The following GGA2 variants were observed in gnomAD, a reference collection of about 807,000 sequenced individuals.
The protein encoded by GGA2 is ADP-ribosylation factor-binding protein GGA2.
GGA2 carries 48 observed loss-of-function variants against 79.5 expected under a neutral mutation model. That is an observed-to-expected ratio of 0.60 (90% CI 0.48 to 0.77). The LOEUF is 0.77. GGA2 is among the 30% of genes least tolerant of loss of function. GGA2 has a pLI of 0.00. For missense variants in GGA2, 770 were observed against 774.0 expected (o/e 0.99, Z 0.06); for synonymous variants, 317 against 302.0 (o/e 1.05, Z -0.51).
At chr16:23,475,712 C>T (rs866736990) in intron 13 of GGA2, among the ~76,000 whole-genome samples, 8 of 149,752 alleles carry the variant, frequency 5.3e-5, no homozygotes, top group African/African-American at 1.7e-4. Flanking sequence ...AAGACCAGCC[C>T]GGCCGACATG....
intron 1 of GGA2, among the ~76,000 whole-genome samples, chr16:23,509,290 G>A (rs908639506): frequency 2.0e-5 from 3 of 152,138 alleles, no homozygotes; most frequent in East Asian, 1.9e-4. Flanking sequence ...GCACTCCAGC[G>A]GACTGACCTA....
At chr16:23,473,900 A>G (rs1293327520) in intron 14 of GGA2, among the ~76,000 whole-genome samples, 5 of 152,032 alleles carry the variant, frequency 3.3e-5, no homozygotes, top group Admixed American at 6.6e-5. Flanking sequence ...TTGTTTATCA[A>G]CTCTGTTTAT....
At position 23,466,137 on chromosome 16, in the gene GGA2, A is replaced by AT. The variant is rs1964434460; in HGVS notation, c.*1452dup. 1.3e-5 allele frequency: 2 copies of AT among 152,284 alleles called. No individual in the cohort carries two copies. The highest frequency in any genetic ancestry group is 1.3e-4 in the Admixed American group (2 of 15,280). 9.4% of individuals were successfully genotyped at this position (152,284 alleles called of 1,614,324 possible). ...ATTAGTATTGGCAGATTTCCACTAT[A>AT]TGTAGAAGTCAAAAGATCAGACTGT... On this transcript the variant is annotated 3_prime_UTR_variant, in exon 17 of 17. Transcript: ENST00000309859.
At position 23,465,539 on chromosome 16, in the gene GGA2, TTATGTA is replaced by T. The variant is rs1964425062; in HGVS notation, c.*2045_*2050del. Reference sequence around the variant, plus strand: ...TAACTATAGGGGAGAAAGCCTGTCTTTATGTATAAGTCTCATTCACCCATTTTGACC... The same window carrying T: ...TAACTATAGGGGAGAAAGCCTGTCTTTAAGTCTCATTCACCCATTTTGACC... On this transcript the variant is annotated 3_prime_UTR_variant, in exon 17 of 17. Coordinates refer to ENST00000309859, the MANE Select transcript of GGA2 (RefSeq NM_015044.4). The T allele has an allele frequency of 4.7e-6, 3 of 641,256 alleles. No homozygotes were observed. Among genetic ancestry groups the T allele is most frequent in the Non-Finnish European group, 5.6e-6 (2 of 356,014 alleles). 39.7% of individuals were successfully genotyped at this position (641,256 alleles called of 1,614,324 possible). A position where few individuals can be genotyped will look rare whatever the true frequency, so the allele number is the denominator to read the frequency against.
chr16:23,504,464 G>A (rs1167699256), intron 1 of GGA2, among the ~76,000 whole-genome samples: 1 of 152,226 alleles, frequency 6.6e-6, no homozygotes, highest in Non-Finnish European at 1.5e-5. Flanking sequence ...TTGCTAGACA[G>A]TGTTTGGCCA....
intron 9 of GGA2, 53 bp downstream of exon 9, chr16:23,482,870 C>A (rs1041754323): frequency 2.0e-6 from 2 of 1,016,596 alleles, no homozygotes; most frequent in Non-Finnish European, 3.2e-6. Context: ...CAGGAGGGAC[C>A]GAGTCTGTCT....
At chr16:23,474,277 T>G (rs1228824227) in intron 14 of GGA2, among the ~76,000 whole-genome samples, 1 of 152,210 alleles carries the variant, frequency 6.6e-6, no homozygotes, top group Non-Finnish European at 1.5e-5. Context: ...AGTAAGCCTT[T>G]TAATTAAATT....
At chr16:23,498,934 G>A (rs556408203) in intron 1 of GGA2, among the ~76,000 whole-genome samples, 2 of 152,274 alleles carry the variant, frequency 1.3e-5, no homozygotes, top group African/African-American at 4.8e-5. Context: ...ACAAGGTCAA[G>A]GTTGACACCT....
At chr16:23,469,918 C>A in intron 15 of GGA2, 78 bp downstream of exon 15, 1 of 1,075,488 alleles carries the variant, frequency 9.3e-7, no homozygotes, top group Non-Finnish European at 1.3e-6. Context: ...CCTTGACACT[C>A]GACAGGTAAG....
At chr16:23,474,236 C>T (rs1596977027) in intron 14 of GGA2, among the ~76,000 whole-genome samples, 1 of 152,182 alleles carries the variant, frequency 6.6e-6, no homozygotes, top group African/African-American at 2.4e-5. Context: ...TTCTTGAATC[C>T]CAACCCAAAT....
In GGA2 at chr16:23,494,358, A is replaced by G. The variant is rs372562760; in HGVS notation, c.197T>C (p.Leu66Pro). 1.9e-6 allele frequency: 3 copies of G among 1,612,390 alleles called. No homozygotes were observed. The highest frequency in any genetic ancestry group is 2.5e-6 in the Non-Finnish European group (3 of 1,178,438). Reference protein sequence around the residue: ...DPNGPTHAPWLLAHKIQSPQE... With the variant: ...DPNGPTHAPWPLAHKIQSPQE... ...CGGAGACTGGATCTTGTGGGCCAGT[A>G]GCCAGGGCGCATGTGTGGGGCTACA... The change falls in exon 3 of 17, where the codon CTA becomes CCA. Residue 66 changes from leucine to proline, a missense_variant. By Grantham distance (98) the Leu-to-Pro change is moderately conservative. Coordinates refer to ENST00000309859, the MANE Select transcript of GGA2 (RefSeq NM_015044.4).
chr16:23,496,820 T>C (rs1333870310), intron 1 of GGA2, among the ~76,000 whole-genome samples: 1 of 151,904 alleles, frequency 6.6e-6, no homozygotes, highest in Non-Finnish European at 1.5e-5. Context: ...TAGCTGGGCG[T>C]GGTGGAGTGT....
Position 23,465,309 on chromosome 16 carries a change from A to C in GGA2, c.*2281T>G, listed in dbSNP as rs962861828. The C allele has an allele frequency of 2.8e-6, 2 of 702,466 alleles. No individual in the cohort carries two copies. The highest frequency in any genetic ancestry group is 3.5e-5 in the African/African-American group (2 of 57,252). 43.5% of individuals were successfully genotyped at this position (702,466 alleles called of 1,614,324 possible). A position where few individuals can be genotyped will look rare whatever the true frequency, so the allele number is the denominator to read the frequency against. On this transcript the variant is annotated 3_prime_UTR_variant, in exon 17 of 17. Transcript: ENST00000309859. ...CAATAACTACTTGTTAAGTGAATGA[A>C]GAGGTAGGAGCTGGGCTCTAAGTGG...
chr16:23,495,814 T>C (rs1375751148), intron 1 of GGA2, 36 bp from the exon 2 acceptor site: 1 of 1,418,514 alleles, frequency 7.0e-7, no homozygotes, highest in Non-Finnish European at 9.9e-7. Context: ...GAGTACATAA[T>C]AGGAAGAAAT....
chr16:23,472,433 G>A (rs953926156), intron 14 of GGA2, among the ~76,000 whole-genome samples: 2 of 151,484 alleles, frequency 1.3e-5, no homozygotes, highest in African/African-American at 4.8e-5. Context: ...CCTGACCTCA[G>A]GTGCTCCACC....
At chr16:23,487,405 A>G (rs1964729207) in intron 6 of GGA2, among the ~76,000 whole-genome samples, 2 of 152,146 alleles carry the variant, frequency 1.3e-5, no homozygotes, top group South Asian at 4.1e-4. Context: ...TCGTGGGTAG[A>G]GTGAGGAATG....
chr16:23,497,546 A>G (rs1964871807), intron 1 of GGA2, among the ~76,000 whole-genome samples: 1 of 152,136 alleles, frequency 6.6e-6, no homozygotes, highest in South Asian at 2.1e-4. Context: ...GTGAAGAGAG[A>G]ACACAAGGGC....
At chr16:23,483,938 C>T (rs1276617964) in intron 8 of GGA2, among the ~76,000 whole-genome samples, 2 of 149,610 alleles carry the variant, frequency 1.3e-5, no homozygotes, top group East Asian at 2.1e-4. Flanking sequence ...TGAGCCACTG[C>T]GCCCGGCTGG....
intron 16 of GGA2, among the ~76,000 whole-genome samples, chr16:23,468,099 ACTTT>A (rs1325517807): frequency 1.3e-5 from 2 of 150,086 alleles, no homozygotes; most frequent in South Asian, 4.2e-4. Context: ...CCAGAGACTG[ACTTT>A]CTTTTCTTTT....
Sources: allele counts gnomAD v4.1 joint callset (sites outside exome capture counted in the v4.1 genomes callset), GRCh38; gene constraint gnomAD v4.1.1; transcripts MANE v1.5; gene names NCBI Gene and HGNC (gene_info 2026-07-23, HGNC 2026-07-21).